The following SP140L variants were observed in gnomAD, a reference collection of about 807,000 sequenced individuals.
SP140L encodes the protein nuclear body protein SP140-like protein.
SP140L carries 64 observed loss-of-function variants against 84.3 expected under a neutral mutation model. The ratio of observed to expected loss-of-function variants is 0.76; its 90% CI spans 0.62 to 0.94. The LOEUF is 0.94. SP140L is among the 40% of genes least tolerant of loss of function. SP140L has a pLI of 0.00. For synonymous variants in SP140L, 242 were observed against 236.9 expected, an observed-to-expected ratio of 1.02 and a Z score of -0.20; for missense variants, 628 against 692.5, an observed-to-expected ratio of 0.91 and a Z score of 1.05.
intron 16 of SP140L, 43 bp downstream of exon 16, chr2:230,401,106 A>G (rs2149836816): frequency 1.2e-6 from 1 of 852,792 alleles, no homozygotes; most frequent in East Asian, 2.7e-5. Context: ...TTCCCCTCAC[A>G]CGTGAGAACC....
At chr2:230,344,174 T>C (rs1183782150) in intron 2 of SP140L, among the ~76,000 whole-genome samples, 2 of 152,232 alleles carry the variant, frequency 1.3e-5, no homozygotes, top group East Asian at 3.8e-4. Flanking sequence ...TGTAGGTTTC[T>C]AATAACCTGC....
At chr2:230,344,278 T>A (rs2060147378) in intron 2 of SP140L, among the ~76,000 whole-genome samples, 1 of 152,196 alleles carries the variant, frequency 6.6e-6, no homozygotes. Flanking sequence ...TAATGTTCTC[T>A]TTGTCTTTTT....
intron 14 of SP140L, 132 bp downstream of exon 14, chr2:230,396,930 T>C: frequency 3.7e-6 from 4 of 1,090,586 alleles, no homozygotes; most frequent in Non-Finnish European, 5.4e-6. Flanking sequence ...GTGAATTCAG[T>C]TGCATCACCC....
intron 8 of SP140L, 99 bp downstream of exon 8, chr2:230,383,674 C>T (rs2061480474): frequency 1.8e-6 from 2 of 1,115,860 alleles, no homozygotes; most frequent in African/African-American, 3.1e-5. Context: ...CAGGAGAGTT[C>T]TGTACTTCCT....
intron 2 of SP140L, among the ~76,000 whole-genome samples, chr2:230,348,436 G>T (rs1262472469): frequency 6.6e-6 from 1 of 152,156 alleles, no homozygotes; most frequent in Non-Finnish European, 1.5e-5. Context: ...ATGCATATTA[G>T]TATTTTGTTG....
At chr2:230,397,275 G>A (rs7585731) in intron 14 of SP140L, among the ~76,000 whole-genome samples, 35,038 of 152,084 alleles carry the variant, frequency 0.23, 4,834 homozygotes, top group Non-Finnish European at 0.31. Flanking sequence ...GAACAGACCA[G>A]GCCAAGCTAT....
At chr2:230,400,271 A>C in intron 15 of SP140L, 29 bp downstream of exon 15, 1 of 1,608,382 alleles carries the variant, frequency 6.2e-7, no homozygotes, top group Non-Finnish European at 8.5e-7. Context: ...CCTCTCTTTC[A>C]TCCTTTAAGG....
At chr2:230,400,046 C>A in intron 14 of SP140L, 81 bp from the exon 15 acceptor site, 1 of 1,412,640 alleles carries the variant, frequency 7.1e-7, no homozygotes, top group Non-Finnish European at 1.0e-6. Context: ...CACACATAAG[C>A]AGTGTGTTCT....
rs543369497 is a variant in SP140L, at chr2:230,401,044, T to G, written c.1403T>G (p.Met468Arg). 1.5e-6 allele frequency: 2 copies of G among 1,373,780 alleles called. No individual in the cohort carries two copies. Among genetic ancestry groups the G allele is most frequent in the Non-Finnish European group, 2.0e-6 (2 of 999,768 alleles). 85.1% of individuals were successfully genotyped at this position (1,373,780 alleles called of 1,614,324 possible). A position where few individuals can be genotyped will look rare whatever the true frequency, so the allele number is the denominator to read the frequency against. ...GAATCTGAGGTCCTGGAGAGGCAGATGTGTCCTGAGGAACAGTTGGTAAAT... is the reference window on the plus strand; with the variant it reads ...GAATCTGAGGTCCTGGAGAGGCAGAGGTGTCCTGAGGAACAGTTGGTAAAT... ...CQESEVLERQ[M>R]CPEEQLKCEF... Residue 468 changes from methionine to arginine, a missense_variant, in exon 16 of 19, where the codon ATG becomes AGG. Coordinates refer to ENST00000415673, the MANE Select transcript of SP140L (RefSeq NM_138402.6).
Position 230,393,459 on chromosome 2 carries a change from A to C in SP140L, c.1153A>C (p.Lys385Gln). 6.4e-7 allele frequency: 1 copy of C among 1,574,106 alleles called. No individual in the cohort carries two copies. The highest frequency in any genetic ancestry group is 8.6e-7 in the Non-Finnish European group (1 of 1,162,314). ...NPPRIYYRNKKRILKSQNNSS... is the reference protein window; with the variant it reads ...NPPRIYYRNKQRILKSQNNSS... ...TCCAAGAATATATTACAGGAACAAAAAGGTGATTATTACATAATTTTCTAC... is the reference window on the plus strand; with the variant it reads ...TCCAAGAATATATTACAGGAACAAACAGGTGATTATTACATAATTTTCTAC... Residue 385 changes from lysine to glutamine, a missense_variant and splice_region_variant, in exon 13 of 19, where the codon AAG (lysine) becomes CAG (glutamine). Lys to Gln is a moderately conservative substitution (Grantham distance 53). Coordinates refer to ENST00000415673, the MANE Select transcript of SP140L (RefSeq NM_138402.6).
At chr2:230,369,257 G>C (rs2060979836) in intron 5 of SP140L, among the ~76,000 whole-genome samples, 1 of 152,130 alleles carries the variant, frequency 6.6e-6, no homozygotes, top group South Asian at 2.1e-4. Context: ...TACACCACTG[G>C]TGCAGCCATC....
At chr2:230,348,257 G>C (rs1446100899) in intron 2 of SP140L, among the ~76,000 whole-genome samples, 2 of 152,182 alleles carry the variant, frequency 1.3e-5, no homozygotes, top group Non-Finnish European at 2.9e-5. Context: ...ACAAAGACTT[G>C]CATGCGAATA....
In SP140L at chr2:230,345,125, T is replaced by G. The variant is rs185585503; in HGVS notation, c.108-12680T>G. Among the ~76,000 whole-genome samples, 12 of 152,358 alleles carry G rather than the reference T, an allele frequency of 7.9e-5. No individual in the cohort carries two copies. In the East Asian group the frequency reaches 2.3e-3, roughly 29 times the overall value. ...AAGTCCCTTACTATTATTGTATTGCTGTTTCTTCCTCCTTTCAGATTGGTT... is the reference window on the plus strand; with the variant it reads ...AAGTCCCTTACTATTATTGTATTGCGGTTTCTTCCTCCTTTCAGATTGGTT... On this transcript the variant is annotated intron_variant, in intron 2 of 18. Coordinates refer to ENST00000415673, the MANE Select transcript of SP140L (RefSeq NM_138402.6).
Position 230,362,154 on chromosome 2 carries a change from C to T in SP140L, c.523+457C>T, listed in dbSNP as rs1213258137. Among the ~76,000 whole-genome samples the T allele has an allele frequency of 3.3e-5, 5 of 152,270 alleles. No homozygotes were observed. In the East Asian group the frequency reaches 5.8e-4, roughly 18 times the overall value. On this transcript the variant is annotated intron_variant, in intron 5 of 18. Coordinates refer to ENST00000415673, the MANE Select transcript of SP140L (RefSeq NM_138402.6). ...ACCAAACATGTGGAGAACCTCCCCA[C>T]ACCAACCAGTTCTTCAGTTCCCTGC...
At chr2:230,396,297 G>A (rs534325053) in intron 13 of SP140L, among the ~76,000 whole-genome samples, 84 of 152,302 alleles carry the variant, frequency 5.5e-4, no homozygotes, top group Non-Finnish European at 7.3e-4. Flanking sequence ...CAGATATGAG[G>A]TAAAGGGAAG....
chr2:230,361,821 G>A lies in SP140L; in HGVS notation c.523+124G>A, dbSNP rs1417662084. 1.6e-5 allele frequency: 11 copies of A among 707,306 alleles called. No individual in the cohort carries two copies. In the East Asian group the frequency reaches 3.0e-4, roughly 19 times the overall value. 43.8% of individuals were successfully genotyped at this position (707,306 alleles called of 1,614,324 possible). A position where few individuals can be genotyped will look rare whatever the true frequency, so the allele number is the denominator to read the frequency against. Reference sequence around the variant, plus strand: ...GGAAGACACAGGGAAGGACCATGGAGAAGTCAAGGAGGGGGTTGTATGAGC... The same window carrying A: ...GGAAGACACAGGGAAGGACCATGGAAAAGTCAAGGAGGGGGTTGTATGAGC... On this transcript the variant is annotated intron_variant, in intron 5 of 18. Transcript: ENST00000415673.
intron 5 of SP140L, among the ~76,000 whole-genome samples, chr2:230,362,697 T>G (rs901764680): frequency 6.6e-6 from 1 of 152,202 alleles, no homozygotes; most frequent in African/African-American, 2.4e-5. Context: ...TTGTCCATTT[T>G]GCAGATAAGA....
At chr2:230,345,911 C>T (rs942804361) in intron 2 of SP140L, among the ~76,000 whole-genome samples, 2 of 152,088 alleles carry the variant, frequency 1.3e-5, no homozygotes, top group African/African-American at 4.8e-5. Context: ...GATTTATGCA[C>T]AATCATTACA....
chr2:230,353,774 T>C (rs1448389965), intron 2 of SP140L, among the ~76,000 whole-genome samples: 1 of 152,124 alleles, frequency 6.6e-6, no homozygotes, highest in Non-Finnish European at 1.5e-5. Context: ...GTTTTACCTT[T>C]TATAATTCAT....
Sources: gnomAD v4.1 joint callset for allele counts (sites outside exome capture counted in the v4.1 genomes callset) on GRCh38, gnomAD v4.1.1 for gene constraint, MANE v1.5 for transcripts, NCBI Gene and HGNC (gene_info 2026-07-23, HGNC 2026-07-21) for gene names.